The following GNB3 variants were observed in gnomAD, a reference collection of about 807,000 sequenced individuals.
The protein encoded by GNB3 is guanine nucleotide-binding protein G(I)/G(S)/G(T) subunit beta-3.
In GNB3, 33 loss-of-function variants were observed where a neutral mutation model predicts 41.2. The observed-to-expected ratio is 0.80, with a 90% CI of 0.61 to 1.07. The LOEUF (loss-of-function observed/expected upper bound fraction) is 1.07. Among genes scored for constraint, GNB3 ranks in the 50% least tolerant of loss-of-function variants. The pLI is 0.00. For synonymous variants in GNB3, 172 were observed against 173.4 expected (o/e 0.99, Z 0.06); for missense variants, 409 against 455.3 (o/e 0.90, Z 0.92).
At position 6,843,393 on chromosome 12, in the gene GNB3, G is replaced by A; in HGVS notation, c.298G>A (p.Val100Ile). ...VHAIPLRSSW[V>I]MTCAYAPSGN... is the part of the protein sequence containing the mutation. The stretch of plus-strand genomic sequence containing the variant: ...CGCCATCCCACTGCGCTCCTCCTGG[G>A]TCATGACCTGTGCCTATGCCCCATC... The change falls in exon 6 of 10, where the codon GTC becomes ATC. Residue 100 changes from valine to isoleucine, a missense_variant. Coordinates refer to ENST00000229264, the MANE Select transcript of GNB3 (RefSeq NM_002075.4). This position sits in a 1 kb window ranked among gnomAD's most constrained non-coding sequence, Gnocchi z 5.9. The A allele has an allele frequency of 4.3e-6, 7 of 1,614,202 alleles. No homozygotes were observed. Among genetic ancestry groups the A allele is most frequent in the Non-Finnish European group, 5.9e-6 (7 of 1,180,028 alleles).
At chr12:6,842,890 C>A in intron 3 of GNB3, 80 bp from the exon 4 acceptor site, 4 of 909,960 alleles carry the variant, frequency 4.4e-6, no homozygotes, top group Non-Finnish European at 6.7e-6. Context: ...AGAGCGGGAA[C>A]TTGTATAGAT....
rs782471427 is a variant in GNB3 at position 6,843,836 on chromosome 12, A to G, written c.557A>G (p.Asp186Gly). 1.2e-6 allele frequency: 2 copies of G among 1,614,038 alleles called. No homozygotes were observed. The highest frequency in any genetic ancestry group is 2.2e-5 in the East Asian group (1 of 44,878). The change falls in exon 8 of 10, where the codon GAC (aspartate) becomes GGC (glycine). Residue 186 changes from aspartate (D) to glycine (G), a missense_variant. Physicochemically the swap from Asp to Gly is moderately conservative, Grantham distance 94. Coordinates refer to ENST00000229264, the MANE Select transcript of GNB3 (RefSeq NM_002075.4). This position sits in a 1 kb window ranked among gnomAD's most constrained non-coding sequence, Gnocchi z 5.9. ...QKTVFVGHTG[D>G]CMSLAVSPDF... ...ACTGTATTTGTGGGACACACGGGTGACTGCATGAGCCTGGCTGTGTCTCCT... is the reference window on the plus strand; with the variant it reads ...ACTGTATTTGTGGGACACACGGGTGGCTGCATGAGCCTGGCTGTGTCTCCT...
chr12:6,841,232 C>T, intron 1 of GNB3, 26 bp from the exon 2 acceptor site: 2 of 1,488,610 alleles, frequency 1.3e-6, no homozygotes, highest in East Asian at 4.6e-5. Context: ...GGGGGTTCCT[C>T]AACACCGACC....
Position 6,846,823 on chromosome 12 carries a change from C to T in GNB3, c.948C>T (p.Ser316=). The change falls in exon 10 of 10, where the codon AGC becomes AGT. Residue 316 remains serine, a synonymous_variant. Transcript: ENST00000229264. The part of the protein sequence containing the change: ...GILSGHDNRV[S]CLGVTADGMA... ...TCTCTGGCCACGATAACAGGGTGAG[C>T]TGCCTGGGAGTCACAGCTGACGGGA... 6.2e-7 allele frequency: 1 copy of T among 1,600,346 alleles called. No individual in the cohort carries two copies. Among genetic ancestry groups the T allele is most frequent in the Non-Finnish European group, 8.5e-7 (1 of 1,173,202 alleles).
rs1555123809 is a variant in GNB3 at position 6,843,357 on chromosome 12, C to T, written c.268-6C>T. 2 of 1,613,870 alleles carry T rather than the reference C, an allele frequency of 1.2e-6. No homozygotes were observed. Among genetic ancestry groups the T allele is most frequent in the East Asian group, 4.5e-5 (2 of 44,878 alleles). ...CCCATCTCTGCTCAAACCACCCTCCCTGCAGGTGCACGCCATCCCACTGCG... is the reference window on the plus strand; with the variant it reads ...CCCATCTCTGCTCAAACCACCCTCCTTGCAGGTGCACGCCATCCCACTGCG... On this transcript the variant is annotated splice_polypyrimidine_tract_variant and splice_region_variant and intron_variant, in intron 5 of 9. Transcript: ENST00000229264. The surrounding 1 kb of genome is among the most constrained non-coding windows in gnomAD (Gnocchi z 5.9).
chr12:6,843,885 G>T lies in GNB3; in HGVS notation c.606G>T (p.Gly202=). 6.2e-7 allele frequency: 1 copy of T among 1,613,966 alleles called. No individual in the cohort carries two copies. Among genetic ancestry groups the T allele is most frequent in the African/African-American group, 1.3e-5 (1 of 74,952 alleles). The change falls in exon 8 of 10, where the codon GGG becomes GGT. Residue 202 remains glycine, a synonymous_variant. Transcript: ENST00000229264. The surrounding 1 kb of genome is among the most constrained non-coding windows in gnomAD (Gnocchi z 5.9). The part of the protein sequence containing the change: ...VSPDFNLFIS[G]ACDASAKLWD... ...CTGACTTCAATCTCTTCATTTCGGG[G>T]GCCTGTGATGCCAGTGCCAAGCTCT...
Position 6,843,282 on chromosome 12 carries a change from A to G in GNB3, c.267+45A>G. Reference sequence around the variant, plus strand: ...GAGCCTCCACCACTGCATCCTTCCTAAGGGCGCCATGCCTACCCTCCTGTG... The same window carrying G: ...GAGCCTCCACCACTGCATCCTTCCTGAGGGCGCCATGCCTACCCTCCTGTG... On this transcript the variant is annotated intron_variant, in intron 5 of 9. Transcript: ENST00000229264. This position sits in a 1 kb window ranked among gnomAD's most constrained non-coding sequence, Gnocchi z 5.9. 1 of 1,610,084 alleles carries G rather than the reference A, an allele frequency of 6.2e-7. No homozygotes were observed. Among genetic ancestry groups the G allele is most frequent in the East Asian group, 2.2e-5 (1 of 44,858 alleles).
Position 6,847,116 on chromosome 12 carries a change from CCCACAGTCCTCA to C in GNB3, c.*220_*231del. On this transcript the variant is annotated 3_prime_UTR_variant, in exon 10 of 10. Coordinates refer to ENST00000229264, the MANE Select transcript of GNB3 (RefSeq NM_002075.4). ...CCATCTCCTCCCATGGCCTTCCCTCCCCACAGTCCTCACAGCCTCTCCCTTAATGAGCAAGGA... is the reference window on the plus strand; with the variant it reads ...CCATCTCCTCCCATGGCCTTCCCTCCCAGCCTCTCCCTTAATGAGCAAGGA... 1 of 544,326 alleles carries C rather than the reference CCCACAGTCCTCA, an allele frequency of 1.8e-6. No homozygotes were observed. The highest frequency in any genetic ancestry group is 3.0e-5 in the East Asian group (1 of 33,078). 33.7% of individuals were successfully genotyped at this position (544,326 alleles called of 1,614,324 possible).
chr12:6,843,813 T>C lies in GNB3; in HGVS notation c.534T>C (p.Thr178=). Residue 178 remains threonine, a synonymous_variant, in exon 8 of 10, where the codon ACT becomes ACC. Coordinates refer to ENST00000229264, the MANE Select transcript of GNB3 (RefSeq NM_002075.4). This position sits in a 1 kb window ranked among gnomAD's most constrained non-coding sequence, Gnocchi z 5.9. ...ACATTGAGACTGGGCAGCAGAAGAC[T>C]GTATTTGTGGGACACACGGGTGACT... ...LWDIETGQQK[T]VFVGHTGDCM... 1 of 1,614,140 alleles carries C rather than the reference T, an allele frequency of 6.2e-7. No homozygotes were observed.
At chr12:6,841,473 C>G (rs781984234) in intron 2 of GNB3, 113 bp from the exon 3 acceptor site, 6 of 1,186,054 alleles carry the variant, frequency 5.1e-6, no homozygotes, top group African/African-American at 3.0e-5. Flanking sequence ...AAACTTGGTT[C>G]GCATATTTGA....
chr12:6,843,181 G>A lies in GNB3; in HGVS notation c.211G>A (p.Val71Ile), dbSNP rs782714534. The A allele has an allele frequency of 1.9e-6, 3 of 1,613,920 alleles. No individual in the cohort carries two copies. The highest frequency in any genetic ancestry group is 2.5e-6 in the Non-Finnish European group (3 of 1,179,840). Residue 71 changes from valine (V) to isoleucine (I), a missense_variant, in exon 5 of 10, where the codon GTA (valine) becomes ATA (isoleucine). By Grantham distance (29) the Val-to-Ile change is conservative. Transcript: ENST00000229264. This position sits in a 1 kb window ranked among gnomAD's most constrained non-coding sequence, Gnocchi z 5.9. ...MHWATDSKLL[V>I]SASQDGKLIV... ...GGGATGCCCTCTCCCCAGGCTGCTG[G>A]TAAGTGCCTCGCAAGATGGGAAGCT...
rs373777248 is a variant in GNB3 at position 6,843,087 on chromosome 12, G to T, written c.203+11G>T. 5.1e-5 allele frequency: 82 copies of T among 1,604,646 alleles called. No homozygotes were observed. In the Middle Eastern group the frequency reaches 6.6e-4, roughly 13 times the overall value. The stretch of plus-strand genomic sequence containing the variant: ...GGCCACTGATTCTAAGTGAGGCTTG[G>T]GGGGGAACCGAGAATGGGAGGGTGA... On this transcript the variant is annotated intron_variant, in intron 4 of 9. Transcript: ENST00000229264. The surrounding 1 kb of genome is among the most constrained non-coding windows in gnomAD (Gnocchi z 5.9).
chr12:6,843,635 A>T lies in GNB3; in HGVS notation c.434A>T (p.Tyr145Phe). ...CTGTCCTTCTAACCGCCTCCAGGTT[A>T]TCTCTCCTGCTGCCGCTTCCTGGAT... Reference protein sequence around the residue: ...VSRELSAHTGYLSCCRFLDDN... With the variant: ...VSRELSAHTGFLSCCRFLDDN... Residue 145 changes from tyrosine to phenylalanine, a missense_variant, in exon 7 of 10, where the codon TAT (tyrosine) becomes TTT (phenylalanine). Physicochemically the swap from Tyr to Phe is conservative, Grantham distance 22. Coordinates refer to ENST00000229264, the MANE Select transcript of GNB3 (RefSeq NM_002075.4). This position sits in a 1 kb window ranked among gnomAD's most constrained non-coding sequence, Gnocchi z 5.9. 6.2e-7 allele frequency: 1 copy of T among 1,614,156 alleles called. No individual in the cohort carries two copies. The highest frequency in any genetic ancestry group is 8.5e-7 in the Non-Finnish European group (1 of 1,179,992).
At chr12:6,844,096 T>G in intron 8 of GNB3, 118 bp downstream of exon 8, 7 of 368,466 alleles carry the variant, frequency 1.9e-5, no homozygotes, top group Non-Finnish European at 2.7e-5. Flanking sequence ...TTACTGTATT[T>G]TTTTTTTTTT....
Position 6,846,943 on chromosome 12 carries a change from A to C in GNB3, c.*45A>C. The C allele has an allele frequency of 9.1e-7, 1 of 1,097,380 alleles. No homozygotes were observed. Among genetic ancestry groups the C allele is most frequent in the Non-Finnish European group, 1.4e-6 (1 of 732,582 alleles). 68.0% of individuals were successfully genotyped at this position (1,097,380 alleles called of 1,614,324 possible). The stretch of plus-strand genomic sequence containing the variant: ...GTGGAAGGCAGTGAACACACTCAGC[A>C]GCCCCCTGCCCGACCCCATCTCATT... On this transcript the variant is annotated 3_prime_UTR_variant, in exon 10 of 10. Transcript: ENST00000229264.
At chr12:6,841,688 C>A in intron 3 of GNB3, 64 bp downstream of exon 3, 1 of 1,202,386 alleles carries the variant, frequency 8.3e-7, no homozygotes, top group Non-Finnish European at 1.2e-6. Context: ...CCCCGACCCG[C>A]AATAGCGCGT....
chr12:6,844,091 GTATTTTTTTTTTT>G lies in GNB3; in HGVS notation c.699+115_699+127del, dbSNP rs1257270384. On this transcript the variant is annotated intron_variant, in intron 8 of 9. Coordinates refer to ENST00000229264, the MANE Select transcript of GNB3 (RefSeq NM_002075.4). ...ATAGCTTCCCTAGCCCTTTCTTACTGTATTTTTTTTTTTTTTTTTTTTTTTTTTGAGACAGAGT... is the reference window on the plus strand; with the variant it reads ...ATAGCTTCCCTAGCCCTTTCTTACTGTTTTTTTTTTTTTTTGAGACAGAGT... 9 of 258,822 alleles carry G rather than the reference GTATTTTTTTTTTT, an allele frequency of 3.5e-5. No individual in the cohort carries two copies. The highest frequency in any genetic ancestry group is 1.2e-3 in the Middle Eastern group (1 of 858). 16.0% of individuals were successfully genotyped at this position (258,822 alleles called of 1,614,324 possible).
At position 6,840,959 on chromosome 12, in the gene GNB3, C is replaced by T. The variant is rs1376906786; in HGVS notation, c.-105C>T. 5.1e-5 allele frequency: 20 copies of T among 395,648 alleles called. No homozygotes were observed. The highest frequency in any genetic ancestry group is 2.6e-4 in the Admixed American group (6 of 22,982). 24.5% of individuals were successfully genotyped at this position (395,648 alleles called of 1,614,324 possible). A position where few individuals can be genotyped will look rare whatever the true frequency, so the allele number is the denominator to read the frequency against. On this transcript the variant is annotated 5_prime_UTR_variant, in exon 1 of 10. Coordinates refer to ENST00000229264, the MANE Select transcript of GNB3 (RefSeq NM_002075.4). ...TGGGCAGGTGACGGGCGGGCGCGGGCGTCGCAGCTGAGGGAGTAAGGAGGC... is the reference window on the plus strand; with the variant it reads ...TGGGCAGGTGACGGGCGGGCGCGGGTGTCGCAGCTGAGGGAGTAAGGAGGC...
At chr12:6,844,103 T>C (rs1357325225) in intron 8 of GNB3, 125 bp downstream of exon 8, 60 of 619,140 alleles carry the variant, frequency 9.7e-5, no homozygotes, top group African/African-American at 9.5e-4. Flanking sequence ...ATTTTTTTTT[T>C]TTTTTTTTTT....
Sources: allele counts gnomAD v4.1 joint callset, GRCh38; gene constraint gnomAD v4.1.1; non-coding constraint Gnocchi (gnomAD v3.1); transcripts MANE v1.5; gene names NCBI Gene and HGNC (gene_info 2026-07-23, HGNC 2026-07-21).